SETD3: variants seen among roughly 807,000 people sequenced by gnomAD.
The protein encoded by SETD3 is actin-histidine N-methyltransferase.
A neutral mutation model predicts 63.0 loss-of-function variants in SETD3; 19 were observed. That is an observed-to-expected ratio of 0.30 (90% confidence interval 0.21 to 0.44). SETD3 has a LOEUF of 0.44. SETD3 is among the 20% of genes least tolerant of loss of function. The probability of loss-of-function intolerance (pLI) is 1.00; values close to 1 mark genes in which losing one functional copy is unlikely to be tolerated. For missense variants in SETD3, 587 were observed against 728.5 expected (o/e 0.81, Z 2.24); for synonymous variants, 286 against 264.1 (o/e 1.08, Z -0.80).
At chr14:99,407,920 G>A (rs1257263) in intron 8 of SETD3, among the ~76,000 whole-genome samples, 5 of 151,930 alleles carry the variant, frequency 3.3e-5, no homozygotes, top group African/African-American at 1.2e-4. Context: ...GCATGAACCC[G>A]CAGGGGAAAG....
upstream of SETD3, chr14:99,481,680 C>T (rs1896328561): frequency 2.6e-6 from 1 of 385,322 alleles, no homozygotes; most frequent in Non-Finnish European, 4.6e-6. Context: ...GTCTGAGGCG[C>T]CGGGGCGGGG....
chr14:99,475,451 G>A (rs1895923997), intron 1 of SETD3, among the ~76,000 whole-genome samples: 2 of 152,268 alleles, frequency 1.3e-5, no homozygotes, highest in South Asian at 4.1e-4. Context: ...TCGCCTTTAG[G>A]CGGCCAGCAG....
intron 1 of SETD3, among the ~76,000 whole-genome samples, chr14:99,468,314 G>A (rs1895508348): frequency 6.6e-6 from 1 of 151,972 alleles, no homozygotes; most frequent in Admixed American, 6.6e-5. Context: ...AGTCCTCATG[G>A]TTAGACCCTA....
chr14:99,456,733 A>AT (rs1894783524), intron 6 of SETD3, among the ~76,000 whole-genome samples: 1 of 152,230 alleles, frequency 6.6e-6, no homozygotes, highest in Non-Finnish European at 1.5e-5. Context: ...TGAACAGAGT[A>AT]TTTTAGTGAC....
intron 7 of SETD3, among the ~76,000 whole-genome samples, chr14:99,413,583 A>G (rs1024277341): frequency 5.3e-5 from 8 of 152,234 alleles, no homozygotes; most frequent in African/African-American, 1.7e-4. Flanking sequence ...TCTTTTTTAA[A>G]TAAGAAAAGA....
Position 99,400,204 on chromosome 14 carries a change from C to CA in SETD3, c.1232dup (p.Leu411PhefsTer9). 6.2e-7 allele frequency: 1 copy of CA among 1,614,116 alleles called. No individual in the cohort carries two copies. The highest frequency in any genetic ancestry group is 8.5e-7 in the Non-Finnish European group (1 of 1,180,002). On this transcript the variant is annotated frameshift_variant, in exon 12 of 13. Transcript: ENST00000331768. LOFTEE classifies it high-confidence loss of function. ...AGCTAACAGGAAATTCCGAGTTCCC[C>CA]AAGGTGAAGATTCTATCAATAGCGC...
chr14:99,416,647 C>G (rs553940390), intron 6 of SETD3, among the ~76,000 whole-genome samples: 1 of 152,262 alleles, frequency 6.6e-6, no homozygotes, highest in South Asian at 2.1e-4. Context: ...GAGGGCCTCT[C>G]AGGCATGGGG....
intron 1 of SETD3, among the ~76,000 whole-genome samples, chr14:99,467,893 C>A (rs1462534052): frequency 6.6e-6 from 1 of 152,176 alleles, no homozygotes; most frequent in Non-Finnish European, 1.5e-5. Context: ...CAGCTATCCA[C>A]CCAACTCCAG....
intron 10 of SETD3, 152 bp downstream of exon 10, chr14:99,405,053 G>T: frequency 9.3e-7 from 1 of 1,073,880 alleles, no homozygotes; most frequent in Non-Finnish European, 1.3e-6. Context: ...GCCACCAAGC[G>T]TCGCCATGGC....
At chr14:99,448,765 C>T (rs2139744622) in intron 6 of SETD3, among the ~76,000 whole-genome samples, 1 of 152,276 alleles carries the variant, frequency 6.6e-6, no homozygotes, top group East Asian at 1.9e-4. Context: ...AAAAATGTCA[C>T]ATATGGAACA....
intron 6 of SETD3, among the ~76,000 whole-genome samples, chr14:99,419,151 T>G (rs1003507142): frequency 6.6e-6 from 1 of 152,246 alleles, no homozygotes; most frequent in African/African-American, 2.4e-5. Flanking sequence ...ACAGATTATA[T>G]CCAACTCTTC....
At position 99,398,802 on chromosome 14, in the gene SETD3, G is replaced by A. The variant is rs913869552; in HGVS notation, c.1662C>T (p.Asn554=). ...KAKATENGLV[N]GENSIPNGTR... is the part of the protein sequence containing the mutation. ...TCCCATTAGGGATAGAGTTTTCACC[G>A]TTTACAAGCCCGTTTTCTGTGGCCT... is the stretch of plus-strand genomic sequence containing the variant. The change falls in exon 13 of 13, where the codon AAC becomes AAT. Residue 554 remains asparagine, a synonymous_variant. Transcript: ENST00000331768. 27 of 1,614,066 alleles carry A rather than the reference G, an allele frequency of 1.7e-5. No homozygotes were observed. The highest frequency in any genetic ancestry group is 3.3e-4 in the Middle Eastern group (2 of 6,084).
At chr14:99,416,061 A>G (rs1025663674) in intron 6 of SETD3, among the ~76,000 whole-genome samples, 4 of 152,200 alleles carry the variant, frequency 2.6e-5, no homozygotes, top group African/African-American at 9.6e-5. Context: ...TCTAAAAACT[A>G]TTATATAATA....
intron 6 of SETD3, among the ~76,000 whole-genome samples, chr14:99,416,422 T>C (rs1595165817): frequency 6.6e-6 from 1 of 152,358 alleles, no homozygotes; most frequent in East Asian, 1.9e-4. Context: ...AAAGGTTTTG[T>C]TGATTACAAT....
chr14:99,436,414 AG>A (rs1170268617), intron 6 of SETD3, among the ~76,000 whole-genome samples: 2 of 152,296 alleles, frequency 1.3e-5, no homozygotes, highest in South Asian at 2.1e-4. Flanking sequence ...CAGAAGTGTT[AG>A]GCAAGACAGG....
intron 6 of SETD3, among the ~76,000 whole-genome samples, chr14:99,430,517 A>C (rs965568921): frequency 6.6e-6 from 1 of 152,224 alleles, no homozygotes; most frequent in African/African-American, 2.4e-5. Flanking sequence ...AGCTATATTA[A>C]TTACTTGTTC....
chr14:99,465,119 G>A (rs1211985490), intron 2 of SETD3, among the ~76,000 whole-genome samples: 1 of 152,190 alleles, frequency 6.6e-6, no homozygotes, highest in Admixed American at 6.5e-5. Context: ...CTGGGTGAGA[G>A]AGCGGGACCC....
chr14:99,481,371 G>A (rs1896308203), upstream of SETD3: 2 of 398,566 alleles, frequency 5.0e-6, no homozygotes, highest in Non-Finnish European at 8.8e-6. Context: ...CGGTCGCTTG[G>A]TGGCGTCTCA....
intron 6 of SETD3, among the ~76,000 whole-genome samples, chr14:99,452,739 C>T (rs558383138): frequency 6.6e-6 from 1 of 152,204 alleles, no homozygotes; most frequent in Non-Finnish European, 1.5e-5. Context: ...ACCAGGATCA[C>T]CACCGGGGAT....
Sources: gnomAD v4.1 joint callset for allele counts (sites outside exome capture counted in the v4.1 genomes callset) on GRCh38, gnomAD v4.1.1 for gene constraint, MANE v1.5 for transcripts, NCBI Gene and HGNC (gene_info 2026-07-23, HGNC 2026-07-21) for gene names.